The following CLCN7 variants were observed in gnomAD, a reference collection of about 807,000 sequenced individuals.
The protein encoded by CLCN7 is Cl-/H+ antiporter 7, also known as H(+)/Cl(-) exchange transporter 7.
A neutral mutation model predicts 102.1 loss-of-function variants in CLCN7; 60 were observed. That is an observed-to-expected ratio of 0.59 (90% CI 0.48 to 0.73). CLCN7 has a LOEUF of 0.73. Ranked by LOEUF, CLCN7 falls within the 30% of genes least tolerant of loss-of-function variation. The probability of loss-of-function intolerance (pLI) is 0.00; values close to 1 mark genes in which losing one functional copy is unlikely to be tolerated. For missense variants in CLCN7, 962 were observed against 1,125.7 expected (o/e 0.85, Z 2.08); for synonymous variants, 560 against 490.5 (o/e 1.14, Z -1.87).
At chr16:1,454,891 C>G (rs1483820020) in intron 12 of CLCN7, among the ~76,000 whole-genome samples, 1 of 152,240 alleles carries the variant, frequency 6.6e-6, no homozygotes, top group Non-Finnish European at 1.5e-5. Context: ...TGGGAGGCCC[C>G]ATGCACGCAG....
intron 14 of CLCN7, 53 bp downstream of exon 14, chr16:1,453,781 G>A: frequency 6.5e-7 from 1 of 1,545,496 alleles, no homozygotes; most frequent in Non-Finnish European, 8.9e-7. Context: ...CGCTTTCAAA[G>A]GGCCTGTGTG....
intron 15 of CLCN7, 38 bp downstream of exon 15, chr16:1,452,717 C>A (rs768511215): frequency 4.5e-6 from 7 of 1,560,664 alleles, no homozygotes; most frequent in Non-Finnish European, 6.1e-6. Flanking sequence ...CCTGTGGCTG[C>A]CCTGCCTGCT....
At chr16:1,465,214 TCTG>T in intron 2 of CLCN7, 50 bp downstream of exon 2, 1 of 1,560,138 alleles carries the variant, frequency 6.4e-7, no homozygotes, top group South Asian at 1.1e-5. Context: ...CCTGTCACCC[TCTG>T]CTAAGATGCA....
intron 2 of CLCN7, 45 bp downstream of exon 2, chr16:1,465,222 G>T: frequency 6.4e-7 from 1 of 1,573,212 alleles, no homozygotes; most frequent in Non-Finnish European, 8.7e-7. Context: ...CCTCTGCTAA[G>T]ATGCAGCTAG....
intron 15 of CLCN7, 66 bp downstream of exon 15, chr16:1,452,689 G>A (rs1270278296): frequency 8.5e-6 from 13 of 1,523,736 alleles, no homozygotes; most frequent in South Asian, 2.4e-5. Context: ...TAGCCTAAGC[G>A]AGCCTCCTGG....
chr16:1,460,636 C>G (rs1395482735), intron 5 of CLCN7, 109 bp from the exon 6 acceptor site: 2 of 1,255,888 alleles, frequency 1.6e-6, no homozygotes, highest in Non-Finnish European at 2.3e-6. Context: ...CTGGGTGGAG[C>G]CATGATGTTC....
chr16:1,474,308 G>A (rs866289522), intron 1 of CLCN7: 1 of 428,378 alleles, frequency 2.3e-6, no homozygotes, highest in African/African-American at 2.0e-5. Context: ...TCACCTGAAA[G>A]TCGGGACTGA....
intron 12 of CLCN7, 94 bp from the exon 13 acceptor site, chr16:1,454,559 G>T: frequency 1.6e-6 from 2 of 1,230,604 alleles, no homozygotes; most frequent in Non-Finnish European, 2.4e-6. Flanking sequence ...TAAGAGAGCT[G>T]TCCCCACAGA....
chr16:1,445,520 G>C lies in CLCN7; in HGVS notation c.*1111C>G, dbSNP rs2038623605. 1 of 152,350 alleles carries C rather than the reference G, an allele frequency of 6.6e-6. No individual in the cohort carries two copies. The highest frequency in any genetic ancestry group is 2.4e-5 in the African/African-American group (1 of 41,468). 9.4% of individuals were successfully genotyped at this position (152,350 alleles called of 1,614,324 possible). On this transcript the variant is annotated 3_prime_UTR_variant, in exon 25 of 25. Coordinates refer to ENST00000382745, the MANE Select transcript of CLCN7 (RefSeq NM_001287.6). ...GGAGGGACCCGTGTTGCTCTAACAGGGACACTGAAGTTGCCTCTGCCGCCC... is the reference window on the plus strand; with the variant it reads ...GGAGGGACCCGTGTTGCTCTAACAGCGACACTGAAGTTGCCTCTGCCGCCC...
In CLCN7 at chr16:1,450,498, G is replaced by A. The variant is rs773580982; in HGVS notation, c.1616C>T (p.Ala539Val). Residue 539 changes from alanine (A) to valine (V), a missense_variant and splice_region_variant, in exon 17 of 25, where the codon GCG (alanine) becomes GTG (valine). By Grantham distance (64) the Ala-to-Val change is moderately conservative (BLOSUM62 0). Coordinates refer to ENST00000382745, the MANE Select transcript of CLCN7 (RefSeq NM_001287.6). ...AGCCTCCCCTCCGGCCCCACTCACC[G>A]CCGCCCCCGTGAGGTAGGACAGGGA... Reference protein sequence around the residue: ...GISLSYLTGAAIWADPGKYAL... With the variant: ...GISLSYLTGAVIWADPGKYAL... 18 of 1,598,280 alleles carry A rather than the reference G, an allele frequency of 1.1e-5. No individual in the cohort carries two copies. The highest frequency in any genetic ancestry group is 3.5e-4 in the Middle Eastern group (2 of 5,762).
chr16:1,457,063 G>C lies in CLCN7; in HGVS notation c.822+191C>G, dbSNP rs972205927. On this transcript the variant is annotated intron_variant, in intron 9 of 24. Transcript: ENST00000382745. This position sits in a 1 kb window ranked among gnomAD's most constrained non-coding sequence, Gnocchi z 5.4. ...TGTGGCAGGGGACCCAAGGAGGGAA[G>C]CAGCGGGCCGTAGGGAGGCCTTGCC... Among the ~76,000 whole-genome samples, 1 of 152,180 alleles carries C rather than the reference G, an allele frequency of 6.6e-6. No individual in the cohort carries two copies. Among genetic ancestry groups the C allele is most frequent in the African/African-American group, 2.4e-5 (1 of 41,448 alleles).
chr16:1,464,431 G>A (rs1331199169), intron 2 of CLCN7, among the ~76,000 whole-genome samples: 2 of 152,228 alleles, frequency 1.3e-5, no homozygotes, highest in Non-Finnish European at 2.9e-5. Flanking sequence ...CCACGGCCAC[G>A]AAACAGATCT....
chr16:1,448,625 T>TGCAACAAGAGGCCGCTGGACAC, intron 20 of CLCN7, 56 bp downstream of exon 20: 1 of 1,606,958 alleles, frequency 6.2e-7, no homozygotes, highest in Non-Finnish European at 8.5e-7. Context: ...CCTGCCCCTG[T>TGCAACAAGAGGCCGCTGGACAC]GCAACAAGAG....
At chr16:1,452,633 G>A in intron 15 of CLCN7, 122 bp downstream of exon 15, 1 of 1,044,204 alleles carries the variant, frequency 9.6e-7, no homozygotes, top group Non-Finnish European at 1.4e-6. Context: ...AGACACGCCA[G>A]CCCATGCGCT....
chr16:1,462,683 A>AAAAAAAAAAAAAAAAAAAAC (rs1471363912), intron 2 of CLCN7, among the ~76,000 whole-genome samples: 2 of 150,960 alleles, frequency 1.3e-5, no homozygotes, highest in African/African-American at 4.9e-5. Flanking sequence ...AAAAAAAAAA[A>AAAAAAAAAAAAAAAAAAAAC]AAAACCAGGC....
intron 17 of CLCN7, 89 bp from the exon 18 acceptor site, chr16:1,449,416 C>A: frequency 7.9e-7 from 1 of 1,271,970 alleles, no homozygotes. Flanking sequence ...TGCCCAGGCC[C>A]AGCAGCCCCA....
In CLCN7 at chr16:1,445,293, T is replaced by G. The variant is rs930295387; in HGVS notation, c.*1338A>C. 1 of 152,048 alleles carries G rather than the reference T, an allele frequency of 6.6e-6. No individual in the cohort carries two copies. The highest frequency in any genetic ancestry group is 2.4e-5 in the African/African-American group (1 of 41,430). 9.4% of individuals were successfully genotyped at this position (152,048 alleles called of 1,614,324 possible). On this transcript the variant is annotated 3_prime_UTR_variant, in exon 25 of 25. Transcript: ENST00000382745. Reference sequence around the variant, plus strand: ...CCAGGGTCCCGAAAGTCCCAGGCTGTTGGACGTGGTCTGGGTGGGGTGGGA... The same window carrying G: ...CCAGGGTCCCGAAAGTCCCAGGCTGGTGGACGTGGTCTGGGTGGGGTGGGA...
At chr16:1,453,504 G>A (rs1231780885) in intron 14 of CLCN7, among the ~76,000 whole-genome samples, 1 of 152,196 alleles carries the variant, frequency 6.6e-6, no homozygotes, top group Non-Finnish European at 1.5e-5. Flanking sequence ...GGTGTCCCAG[G>A]ACAGCTGCGG....
At chr16:1,448,309 G>C in intron 21 of CLCN7, 46 bp downstream of exon 21, 1 of 1,608,608 alleles carries the variant, frequency 6.2e-7, no homozygotes, top group Non-Finnish European at 8.5e-7. Flanking sequence ...CAATGGACTC[G>C]ACAGAGGTCA....
Sources: gnomAD v4.1 joint callset for allele counts (sites outside exome capture counted in the v4.1 genomes callset) on GRCh38, gnomAD v4.1.1 for gene constraint, Gnocchi (gnomAD v3.1) non-coding constraint, MANE v1.5 for transcripts, NCBI Gene and HGNC (gene_info 2026-07-23, HGNC 2026-07-21) for gene names.